PM20D2: variants seen among roughly 807,000 people sequenced by gnomAD.
The protein encoded by PM20D2 is peptidase M20 domain containing 2.
A neutral mutation model predicts 42.9 loss-of-function variants in PM20D2; 33 were observed. The observed-to-expected ratio is 0.77, with a 90% CI of 0.58 to 1.03. The LOEUF (loss-of-function observed/expected upper bound fraction) is 1.03, where lower values mean the gene tolerates loss of function less well. PM20D2 is among the 50% of genes least tolerant of loss of function. PM20D2 has a pLI of 0.00. For synonymous variants in PM20D2, 250 were observed against 228.2 expected (o/e 1.10, Z -0.86); for missense variants, 548 against 557.0 (o/e 0.98, Z 0.16).
chr6:89,099,482 G>A, the PM20D2 span, among the ~76,000 whole-genome samples: 16 of 136,344 alleles, frequency 1.2e-4, no homozygotes, highest in Admixed American at 8.8e-4. Context: ...ATATATATAT[G>A]TGTGTGTATA....
rs549112696 is a variant in PM20D2, at chr6:89,159,596, G to A, written c.1048+1136G>A. Among the ~76,000 whole-genome samples, 4 of 152,254 alleles carry A rather than the reference G, an allele frequency of 2.6e-5. No individual in the cohort carries two copies. The South Asian group carries it at 8.3e-4, about 32-fold the overall frequency. ...CTTTTTCAAGAGAGTTAGCTTTCAA[G>A]GAAAATAGAAAGAGTGGATACAAGC... is the stretch of plus-strand genomic sequence containing the variant. On this transcript the variant is annotated intron_variant, in intron 5 of 6. Coordinates refer to ENST00000275072, the MANE Select transcript of PM20D2 (RefSeq NM_001010853.3).
intron 3 of PM20D2, among the ~76,000 whole-genome samples, chr6:89,153,660 C>T (rs1480725543): frequency 6.6e-6 from 1 of 152,116 alleles, no homozygotes; most frequent in Non-Finnish European, 1.5e-5. Context: ...TGCAGTGGTG[C>T]AATCTCGGCT....
At chr6:89,108,698 A>C in the PM20D2 span, among the ~76,000 whole-genome samples, 5 of 152,230 alleles carry the variant, frequency 3.3e-5, no homozygotes, top group Non-Finnish European at 5.9e-5. Context: ...GAGGCAAAAG[A>C]AGCAACTTTC....
At chr6:89,121,983 G>A in the PM20D2 span, among the ~76,000 whole-genome samples, 2 of 152,158 alleles carry the variant, frequency 1.3e-5, no homozygotes, top group African/African-American at 4.8e-5. Flanking sequence ...GTTTTATAAA[G>A]TGTATTGCAA....
chr6:89,142,719 G>C (rs975891368), upstream of PM20D2, among the ~76,000 whole-genome samples: 1 of 151,894 alleles, frequency 6.6e-6, no homozygotes, highest in Non-Finnish European at 1.5e-5. Flanking sequence ...GTGCAGTGAC[G>C]CGATCTCGGC....
chr6:89,127,520 G>T, the PM20D2 span, among the ~76,000 whole-genome samples: 2 of 152,080 alleles, frequency 1.3e-5, no homozygotes, highest in African/African-American at 2.4e-5. Context: ...TAGAGATGGA[G>T]TTTCACCATG....
chr6:89,136,113 A>G, the PM20D2 span, among the ~76,000 whole-genome samples: 1 of 151,036 alleles, frequency 6.6e-6, no homozygotes, highest in Non-Finnish European at 1.5e-5. Flanking sequence ...TATATCCACT[A>G]AACCCAAGCC....
At chr6:89,105,458 A>G in the PM20D2 span, 1 of 1,610,702 alleles carries the variant, frequency 6.2e-7, no homozygotes, top group Non-Finnish European at 8.5e-7. Flanking sequence ...ACTGTATTTC[A>G]ATCTGACGGC....
At chr6:89,154,138 A>G (rs1770950863) in intron 3 of PM20D2, among the ~76,000 whole-genome samples, 1 of 152,170 alleles carries the variant, frequency 6.6e-6, no homozygotes. Context: ...ATGTGTAGAA[A>G]TATTTTTTTA....
the PM20D2 span, among the ~76,000 whole-genome samples, chr6:89,124,736 G>GTTTTT: frequency 0.014 from 1,496 of 108,398 alleles, 105 homozygotes; most frequent in African/African-American, 0.049. Flanking sequence ...TGCTGTTGTT[G>GTTTTT]TTTTTTTTTT....
chr6:89,098,749 G>A, the PM20D2 span: 1 of 1,613,910 alleles, frequency 6.2e-7, no homozygotes. Context: ...TTGTTCCTGA[G>A]CTAGTCTGCT....
chr6:89,147,837 G>T (rs1562247316), intron 1 of PM20D2, among the ~76,000 whole-genome samples: 1 of 150,870 alleles, frequency 6.6e-6, no homozygotes, highest in Non-Finnish European at 1.5e-5. Context: ...AGGTTGCAGT[G>T]AGCCGACATC....
the PM20D2 span, chr6:89,118,069 C>A: frequency 8.1e-6 from 2 of 247,868 alleles, no homozygotes; most frequent in South Asian, 1.4e-4. Context: ...GCGGCGCCAG[C>A]CTGGACGCAC....
chr6:89,154,913 T>G lies in PM20D2; in HGVS notation c.912+11T>G. 5 of 1,560,940 alleles carry G rather than the reference T, an allele frequency of 3.2e-6. No individual in the cohort carries two copies. The highest frequency in any genetic ancestry group is 4.3e-6 in the Non-Finnish European group (5 of 1,157,350). On this transcript the variant is annotated intron_variant, in intron 4 of 6. Coordinates refer to ENST00000275072, the MANE Select transcript of PM20D2 (RefSeq NM_001010853.3). ...GCTTCAGGGTGCACAGTAAGAACTT[T>G]TAAAAGTTAATCTAAGTTACAATCA...
At chr6:89,158,233 C>A in intron 4 of PM20D2, 92 bp from the exon 5 acceptor site, 2 of 1,154,822 alleles carry the variant, frequency 1.7e-6, no homozygotes, top group South Asian at 1.6e-5. Context: ...TCTCTTAAAA[C>A]CTCTTCCTAT....
the PM20D2 span, among the ~76,000 whole-genome samples, chr6:89,130,641 A>G: frequency 7.0e-6 from 1 of 142,338 alleles, no homozygotes; most frequent in African/African-American, 2.6e-5. Context: ...TTTTGTTTTA[A>G]TAGACATGGA....
At chr6:89,115,051 C>T in the PM20D2 span, among the ~76,000 whole-genome samples, 2 of 152,242 alleles carry the variant, frequency 1.3e-5, no homozygotes, top group East Asian at 3.9e-4. Flanking sequence ...CCACCTCGGC[C>T]TCCCAAAGTG....
At chr6:89,152,238 G>T (rs572117707) in intron 2 of PM20D2, among the ~76,000 whole-genome samples, 1 of 152,262 alleles carries the variant, frequency 6.6e-6, no homozygotes, top group East Asian at 1.9e-4. Flanking sequence ...CAGTTGAGAA[G>T]AAATATCATA....
chr6:89,111,043 T>C, the PM20D2 span, among the ~76,000 whole-genome samples: 1 of 152,068 alleles, frequency 6.6e-6, no homozygotes, highest in African/African-American at 2.4e-5. Context: ...GCCCAGGAGT[T>C]TGAGACTGCA....
Sources: allele counts gnomAD v4.1 joint callset (sites outside exome capture counted in the v4.1 genomes callset), GRCh38; gene constraint gnomAD v4.1.1; transcripts MANE v1.5; gene names NCBI Gene and HGNC (gene_info 2026-07-23, HGNC 2026-07-21).